The following HSPA12A variants were observed in gnomAD, a reference collection of about 807,000 sequenced individuals.
HSPA12A encodes the protein heat shock protein family A (Hsp70) member 12A, also known as heat shock 70 kDa protein 12A.
In HSPA12A, 28 loss-of-function variants were observed where a neutral mutation model predicts 69.2. That is an observed-to-expected ratio of 0.40 (90% CI 0.30 to 0.55). HSPA12A has a LOEUF of 0.55. HSPA12A is among the 20% of genes least tolerant of loss of function. HSPA12A has a pLI of 0.38. For synonymous variants in HSPA12A, 345 were observed against 370.5 expected, an observed-to-expected ratio of 0.93 and a Z score of 0.79; for missense variants, 686 against 900.7, an observed-to-expected ratio of 0.76 and a Z score of 3.05.
chr10:116,794,411 G>C (rs1300116987), intron 2 of HSPA12A, among the ~76,000 whole-genome samples: 1 of 152,094 alleles, frequency 6.6e-6, no homozygotes, highest in Non-Finnish European at 1.5e-5. Flanking sequence ...TAACAAACAT[G>C]ACTATATATT....
At chr10:116,761,382 A>G (rs1843968595) in intron 2 of HSPA12A, among the ~76,000 whole-genome samples, 1 of 151,936 alleles carries the variant, frequency 6.6e-6, no homozygotes, top group South Asian at 2.1e-4. Flanking sequence ...GCTACTTGGG[A>G]GGCTAAGGTA....
intron 2 of HSPA12A, among the ~76,000 whole-genome samples, chr10:116,824,669 C>G (rs998891194): frequency 1.3e-5 from 2 of 152,210 alleles, no homozygotes; most frequent in Non-Finnish European, 1.5e-5. Flanking sequence ...GAGTCTTGCT[C>G]TGTCACCCAG....
intron 5 of HSPA12A, among the ~76,000 whole-genome samples, chr10:116,697,562 G>C (rs1849947930): frequency 6.6e-6 from 1 of 152,132 alleles, no homozygotes; most frequent in African/African-American, 2.4e-5. Flanking sequence ...CTATCAAATG[G>C]CCTATGAGGT....
At chr10:116,727,908 C>A (rs920489838) in intron 1 of HSPA12A, among the ~76,000 whole-genome samples, 12 of 128,884 alleles carry the variant, frequency 9.3e-5, no homozygotes, top group Non-Finnish European at 1.5e-4. Context: ...CAGGTGTGCA[C>A]CACCATGCCC....
intron 2 of HSPA12A, chr10:116,831,300 T>C (rs1472146012): frequency 6.6e-6 from 1 of 152,192 alleles, no homozygotes; most frequent in East Asian, 1.9e-4. Flanking sequence ...CAGGAGAAGC[T>C]TTGTGGAGGT....
Position 116,723,679 on chromosome 10 carries a change from C to G in HSPA12A, c.41-16394G>C, listed in dbSNP as rs371127295. 2.0e-5 allele frequency among the ~76,000 whole-genome samples: 3 copies of G among 152,210 alleles called. No homozygotes were observed. The highest frequency in any genetic ancestry group is 2.0e-4 in the Admixed American group (3 of 15,288). On this transcript the variant is annotated intron_variant, in intron 1 of 11. Coordinates refer to ENST00000369209, the MANE Select transcript of HSPA12A (RefSeq NM_025015.3). The surrounding 1 kb of genome is among the most constrained non-coding windows in gnomAD (Gnocchi z 4.1). ...TGACATTCATTCCTGAGACCCACTGCGCACACGTGCTGAGGTTTTAAAACT... is the reference window on the plus strand; with the variant it reads ...TGACATTCATTCCTGAGACCCACTGGGCACACGTGCTGAGGTTTTAAAACT...
chr10:116,694,852 C>G (rs1278448560), intron 5 of HSPA12A, among the ~76,000 whole-genome samples: 1 of 152,158 alleles, frequency 6.6e-6, no homozygotes, highest in Non-Finnish European at 1.5e-5. Flanking sequence ...CCGCCTGGAA[C>G]AAAGGGGCTG....
In HSPA12A at chr10:116,814,381, C is replaced by T. The variant is rs72831637; in HGVS notation, c.91+20554G>A. 5.1e-3 allele frequency among the ~76,000 whole-genome samples: 772 copies of T among 152,272 alleles called. 4 individuals are homozygous for T. The highest frequency in any genetic ancestry group is 8.0e-3 in the Non-Finnish European group (547 of 68,022). ...TTGGTGAGGATCCATACAGGAACCC[C>T]CTTTTTGCCTCCTAGCCTTTCCCTT... On this transcript the variant is annotated intron_variant, in intron 2 of 12. Transcript: ENST00000635765.
At chr10:116,773,296 C>CAGT (rs10631325) in intron 2 of HSPA12A, among the ~76,000 whole-genome samples, 41,133 of 152,084 alleles carry the variant, frequency 0.27, 5,901 homozygotes, top group African/African-American at 0.37. Flanking sequence ...GTCCACTGAG[C>CAGT]AGTACATGGT....
intron 5 of HSPA12A, among the ~76,000 whole-genome samples, chr10:116,697,822 A>C (rs1849957824): frequency 6.6e-6 from 1 of 151,562 alleles, no homozygotes; most frequent in Non-Finnish European, 1.5e-5. Context: ...ATCCTTCAGC[A>C]GTCGCTCCTA....
intron 2 of HSPA12A, among the ~76,000 whole-genome samples, chr10:116,786,463 C>T (rs1273761999): frequency 1.3e-5 from 2 of 151,422 alleles, no homozygotes; most frequent in African/African-American, 4.8e-5. Flanking sequence ...AGATCTAGTG[C>T]TTTTGTCAGA....
intron 2 of HSPA12A, among the ~76,000 whole-genome samples, chr10:116,767,017 G>C (rs1554889827): frequency 1.3e-5 from 2 of 152,166 alleles, no homozygotes; most frequent in East Asian, 1.9e-4. Flanking sequence ...GGGAACGCCT[G>C]CTGGGGTCTG....
At chr10:116,701,263 G>A (rs1850070306) in intron 3 of HSPA12A, 134 bp from the exon 4 acceptor site, 3 of 761,030 alleles carry the variant, frequency 3.9e-6, no homozygotes, top group Non-Finnish European at 6.4e-6. Context: ...TCAGCTGGAT[G>A]AGCAGCTACT....
At chr10:116,698,530 C>T (rs1260104776) in intron 5 of HSPA12A, 105 bp downstream of exon 5, 4 of 780,632 alleles carry the variant, frequency 5.1e-6, no homozygotes, top group Admixed American at 1.9e-5. Flanking sequence ...TCCCTCCAGG[C>T]TGTGCCTCCT....
At chr10:116,770,612 G>A (rs1554890331) in intron 2 of HSPA12A, among the ~76,000 whole-genome samples, 2 of 152,264 alleles carry the variant, frequency 1.3e-5, no homozygotes, top group Middle Eastern at 3.4e-3. Context: ...GTGGTAGGAG[G>A]CCAGTGGCAG....
intron 2 of HSPA12A, among the ~76,000 whole-genome samples, chr10:116,779,911 G>T (rs1028180762): frequency 1.3e-5 from 2 of 152,108 alleles, no homozygotes; most frequent in African/African-American, 4.8e-5. Context: ...CTCCCTAGGG[G>T]ACTGCAGCCA....
chr10:116,821,397 C>T (rs1367610982), intron 2 of HSPA12A, among the ~76,000 whole-genome samples: 1 of 152,160 alleles, frequency 6.6e-6, no homozygotes, highest in Non-Finnish European at 1.5e-5. Flanking sequence ...TGATGACCCA[C>T]CTTCCCTCAG....
chr10:116,691,110 T>C (rs1554880109), intron 6 of HSPA12A, among the ~76,000 whole-genome samples: 2 of 152,176 alleles, frequency 1.3e-5, no homozygotes, highest in African/African-American at 4.8e-5. Flanking sequence ...GCTTCCACCC[T>C]CTTCCTTCAT....
At position 116,807,781 on chromosome 10, in the gene HSPA12A, G is replaced by A. The variant is rs117443088; in HGVS notation, c.91+27154C>T. The stretch of plus-strand genomic sequence containing the variant: ...AGCCCCAATTCTGGGCTGTTTCCTA[G>A]ACTAAGCTGTAGACCAGGCATGGCA... On this transcript the variant is annotated intron_variant, in intron 2 of 12. Coordinates refer to the HSPA12A transcript ENST00000635765. Among the ~76,000 whole-genome samples, 62 of 152,316 alleles carry A rather than the reference G, an allele frequency of 4.1e-4. No homozygotes were observed. The East Asian group carries it at 8.9e-3, about 22-fold the overall frequency.
Sources: allele counts gnomAD v4.1 joint callset (sites outside exome capture counted in the v4.1 genomes callset), GRCh38; gene constraint gnomAD v4.1.1; non-coding constraint Gnocchi (gnomAD v3.1); transcripts MANE v1.5; gene names NCBI Gene and HGNC (gene_info 2026-07-23, HGNC 2026-07-21).